The following TAFA1 variants were observed in gnomAD, a reference collection of about 807,000 sequenced individuals.
The protein encoded by TAFA1 is chemokine-like protein TAFA-1.
A neutral mutation model predicts 18.5 loss-of-function variants in TAFA1; 4 were observed. The ratio of observed to expected loss-of-function variants is 0.22; its 90% CI spans 0.11 to 0.49. The LOEUF (loss-of-function observed/expected upper bound fraction) is 0.49, where lower values mean the gene tolerates loss of function less well. Among genes scored for constraint, TAFA1 ranks in the 20% least tolerant of loss-of-function variants. The probability of loss-of-function intolerance (pLI) is 0.98; values close to 1 mark genes in which losing one functional copy is unlikely to be tolerated. For missense variants in TAFA1, 147 were observed against 169.0 expected, an observed-to-expected ratio of 0.87 and a Z score of 0.72; for synonymous variants, 56 against 55.2, an observed-to-expected ratio of 1.01 and a Z score of -0.06.
At chr3:68,111,907 T>C (rs990440812) in intron 2 of TAFA1, among the ~76,000 whole-genome samples, 22 of 152,010 alleles carry the variant, frequency 1.4e-4, no homozygotes, top group Admixed American at 5.9e-4. Context: ...AATGCCCCAA[T>C]TAAAAGCCAG....
At chr3:68,020,300 G>T (rs1313293096) in intron 2 of TAFA1, among the ~76,000 whole-genome samples, 1 of 152,036 alleles carries the variant, frequency 6.6e-6, no homozygotes, top group Admixed American at 6.6e-5. Flanking sequence ...AGGGACAGGG[G>T]AAACTTGGTA....
At chr3:68,064,920 A>T (rs1056465501) in intron 2 of TAFA1, among the ~76,000 whole-genome samples, 24 of 152,160 alleles carry the variant, frequency 1.6e-4, no homozygotes, top group Middle Eastern at 3.4e-3. Context: ...AAATAAACTA[A>T]TTGCCTTGAT....
intron 2 of TAFA1, among the ~76,000 whole-genome samples, chr3:68,232,933 C>G (rs1051522264): frequency 6.6e-6 from 1 of 152,272 alleles, no homozygotes; most frequent in East Asian, 1.9e-4. Flanking sequence ...AATCTCCATA[C>G]TGCTTTCCAT....
chr3:68,372,359 C>T (rs529400283), intron 2 of TAFA1, among the ~76,000 whole-genome samples: 1 of 152,206 alleles, frequency 6.6e-6, no homozygotes, highest in East Asian at 1.9e-4. Context: ...AAAATGTACA[C>T]GCAAGTAAAG....
chr3:68,440,203 G>C (rs1168210995), intron 3 of TAFA1, among the ~76,000 whole-genome samples: 3 of 152,036 alleles, frequency 2.0e-5, no homozygotes, highest in Non-Finnish European at 4.4e-5. Flanking sequence ...AAAAACAGAA[G>C]TTTCCCTGCA....
At chr3:68,033,509 T>C (rs1470626915) in intron 2 of TAFA1, among the ~76,000 whole-genome samples, 1 of 152,214 alleles carries the variant, frequency 6.6e-6, no homozygotes, top group Non-Finnish European at 1.5e-5. Context: ...ATGCTAGACA[T>C]TTATCGTTTA....
chr3:68,157,558 C>T (rs1468706046), intron 2 of TAFA1, among the ~76,000 whole-genome samples: 1 of 152,178 alleles, frequency 6.6e-6, no homozygotes, highest in Non-Finnish European at 1.5e-5. Context: ...ATAGAAAAGA[C>T]TAAGAAATCT....
At chr3:68,285,306 G>A (rs537222993) in intron 2 of TAFA1, among the ~76,000 whole-genome samples, 66 of 152,218 alleles carry the variant, frequency 4.3e-4, no homozygotes, top group South Asian at 1.7e-3. Context: ...GAACTTTCTG[G>A]GAGGGTGAAA....
Position 68,147,037 on chromosome 3 carries a change from G to GTA in TAFA1, c.118+140294_118+140295insAT, listed in dbSNP as rs1428996027. On this transcript the variant is annotated intron_variant, in intron 2 of 4. Transcript: ENST00000478136. The stretch of plus-strand genomic sequence containing the variant: ...TATATATATGTGTGTGTGTGTGTGT[G>GTA]TGTATATATATATATATATATTCTA... 5.3e-5 allele frequency among the ~76,000 whole-genome samples: 8 copies of GTA among 150,100 alleles called. No individual in the cohort carries two copies. In the East Asian group the frequency reaches 5.8e-4, roughly 11 times the overall value.
intron 1 of TAFA1, chr3:68,006,351 C>T (rs1575569698): frequency 2.6e-6 from 1 of 381,564 alleles, no homozygotes; most frequent in South Asian, 3.6e-5. Flanking sequence ...TGTTTTAAAC[C>T]GACTAACTGA....
chr3:68,034,553 G>C (rs1249824867), intron 2 of TAFA1, among the ~76,000 whole-genome samples: 1 of 152,188 alleles, frequency 6.6e-6, no homozygotes, highest in East Asian at 1.9e-4. Flanking sequence ...ACTCTATTGT[G>C]ACCTAGCTTT....
intron 2 of TAFA1, among the ~76,000 whole-genome samples, chr3:68,094,789 A>G (rs2065068459): frequency 6.6e-6 from 1 of 152,164 alleles, no homozygotes; most frequent in Non-Finnish European, 1.5e-5. Flanking sequence ...AGTGGATGTT[A>G]GTGTTCTTGC....
intron 2 of TAFA1, among the ~76,000 whole-genome samples, chr3:68,234,254 A>C (rs1559569218): frequency 1.3e-5 from 2 of 152,140 alleles, no homozygotes; most frequent in Admixed American, 1.3e-4. Flanking sequence ...CTACAGAAAG[A>C]AGCTAGATAC....
chr3:68,067,939 CA>C lies in TAFA1; in HGVS notation c.118+61202del, dbSNP rs1182079470. On this transcript the variant is annotated intron_variant, in intron 2 of 4. Coordinates refer to ENST00000478136, the MANE Select transcript of TAFA1 (RefSeq NM_213609.4). ...AATGAAGGAACTAGGAAATGCTTTA[CA>C]AAAAAACAAAAAACAAAAAACAAAA... Among the ~76,000 whole-genome samples the C allele has an allele frequency of 9.9e-5, 15 of 151,540 alleles. No homozygotes were observed. In the East Asian group the frequency reaches 2.7e-3, roughly 27 times the overall value.
At chr3:68,013,642 G>A (rs1363687156) in intron 2 of TAFA1, among the ~76,000 whole-genome samples, 1 of 152,130 alleles carries the variant, frequency 6.6e-6, no homozygotes, top group Non-Finnish European at 1.5e-5. Context: ...GTAGCAGAGA[G>A]AAAATAACAC....
At chr3:68,131,607 A>C (rs774004354) in intron 2 of TAFA1, among the ~76,000 whole-genome samples, 1 of 152,332 alleles carries the variant, frequency 6.6e-6, no homozygotes, top group South Asian at 2.1e-4. Flanking sequence ...ACAAAGAATA[A>C]GCCCAGACCT....
At chr3:67,993,552 A>G in the TAFA1 span, among the ~76,000 whole-genome samples, 1 of 152,214 alleles carries the variant, frequency 6.6e-6, no homozygotes, top group African/African-American at 2.4e-5. Flanking sequence ...AATATGGGGA[A>G]TGCCTGAAAA....
chr3:68,264,921 AG>A (rs1202548293), intron 2 of TAFA1, among the ~76,000 whole-genome samples: 1 of 152,130 alleles, frequency 6.6e-6, no homozygotes, highest in African/African-American at 2.4e-5. Context: ...TTACATAAAA[AG>A]ATATGTTAAG....
At chr3:68,040,966 T>A (rs997197671) in intron 2 of TAFA1, among the ~76,000 whole-genome samples, 2 of 152,196 alleles carry the variant, frequency 1.3e-5, no homozygotes, top group African/African-American at 4.8e-5. Context: ...TCTCAGTCCC[T>A]GCACATTCAT....
Sources: gnomAD v4.1 joint callset for allele counts (sites outside exome capture counted in the v4.1 genomes callset) on GRCh38, gnomAD v4.1.1 for gene constraint, MANE v1.5 for transcripts, NCBI Gene and HGNC (gene_info 2026-07-23, HGNC 2026-07-21) for gene names.